Variants in NRXN3 observed in about 807,000 individuals in gnomAD.
The protein encoded by NRXN3 is neurexin III.
A neutral mutation model predicts 137.6 loss-of-function variants in NRXN3; 32 were observed. The ratio of observed to expected loss-of-function variants is 0.23; its 90% confidence interval spans 0.18 to 0.31. NRXN3 has a LOEUF of 0.31. Among genes scored for constraint, NRXN3 ranks in the 10% least tolerant of loss-of-function variants. The pLI is 1.00. For missense variants in NRXN3, 1,574 were observed against 2,062.5 expected, an observed-to-expected ratio of 0.76 and a Z score of 4.59; for synonymous variants, 798 against 784.5, an observed-to-expected ratio of 1.02 and a Z score of -0.29.
intron 15 of NRXN3, among the ~76,000 whole-genome samples, chr14:79,005,593 A>G (rs2099550724): frequency 6.6e-6 from 1 of 152,182 alleles, no homozygotes; most frequent in Non-Finnish European, 1.5e-5. Context: ...ATAACATTCC[A>G]TTTAAGTCTG....
At chr14:78,804,495 G>A (rs1486996983) in intron 9 of NRXN3, among the ~76,000 whole-genome samples, 4 of 152,112 alleles carry the variant, frequency 2.6e-5, no homozygotes, top group Non-Finnish European at 5.9e-5. Context: ...CCATCACTCA[G>A]CATCCCCTTG....
At chr14:78,368,141 A>T (rs1567382657) in intron 4 of NRXN3, among the ~76,000 whole-genome samples, 1 of 152,242 alleles carries the variant, frequency 6.6e-6, no homozygotes, top group Non-Finnish European at 1.5e-5. Context: ...TTTTTACTAA[A>T]TTAGGCTGGC....
intron 8 of NRXN3, among the ~76,000 whole-genome samples, chr14:78,734,142 A>G (rs906377801): frequency 6.6e-6 from 1 of 151,798 alleles, no homozygotes; most frequent in African/African-American, 2.4e-5. Flanking sequence ...CTACAGTTGA[A>G]TCAGGGATTT....
intron 15 of NRXN3, among the ~76,000 whole-genome samples, chr14:79,170,876 A>C (rs2061710092): frequency 6.6e-6 from 1 of 152,096 alleles, no homozygotes; most frequent in Admixed American, 6.6e-5. Flanking sequence ...TTAGGATACT[A>C]ATCAGTGGTT....
At chr14:79,662,338 C>A (rs939979457) in intron 16 of NRXN3, among the ~76,000 whole-genome samples, 2 of 152,160 alleles carry the variant, frequency 1.3e-5, no homozygotes, top group African/African-American at 4.8e-5. Context: ...AATGCTATGT[C>A]TTTCCAAGAG....
intron 4 of NRXN3, among the ~76,000 whole-genome samples, chr14:78,376,060 A>G (rs1047554881): frequency 5.9e-5 from 9 of 151,544 alleles, no homozygotes; most frequent in Admixed American, 4.6e-4. Context: ...AGATAATATC[A>G]TCTCTGCTAG....
chr14:79,223,882 T>G (rs896907796), intron 15 of NRXN3, among the ~76,000 whole-genome samples: 4 of 152,174 alleles, frequency 2.6e-5, no homozygotes, highest in African/African-American at 7.2e-5. Flanking sequence ...AGCGACTATA[T>G]TTTAATAACG....
chr14:78,692,563 A>T lies in NRXN3; in HGVS notation c.1222-16654A>T, dbSNP rs144240521. Among the ~76,000 whole-genome samples, 4 of 152,306 alleles carry T rather than the reference A, an allele frequency of 2.6e-5. No homozygotes were observed. In the East Asian group the frequency reaches 7.7e-4, roughly 29 times the overall value. On this transcript the variant is annotated intron_variant, in intron 6 of 20. Transcript: ENST00000335750. ...AGGTTATTTCTAGACTGTTTTCTCC[A>T]GACTAATTAGAGTAGTACAAGGGCC... is the stretch of plus-strand genomic sequence containing the variant.
chr14:79,656,255 A>G (rs2098505044), intron 16 of NRXN3, among the ~76,000 whole-genome samples: 1 of 152,094 alleles, frequency 6.6e-6, no homozygotes, highest in Non-Finnish European at 1.5e-5. Flanking sequence ...TTCAGTCTGT[A>G]CTGGATTTTA....
intron 16 of NRXN3, among the ~76,000 whole-genome samples, chr14:79,553,254 G>C (rs544531308): frequency 5.3e-5 from 8 of 152,130 alleles, no homozygotes; most frequent in African/African-American, 1.9e-4. Flanking sequence ...TACATGAGCT[G>C]ATCAGTACTG....
intron 16 of NRXN3, among the ~76,000 whole-genome samples, chr14:79,558,174 C>G (rs988766838): frequency 6.6e-6 from 1 of 152,088 alleles, no homozygotes; most frequent in Non-Finnish European, 1.5e-5. Context: ...AAGCCTTGAA[C>G]CCCTGAAACT....
At chr14:79,661,215 G>A (rs942328521) in intron 16 of NRXN3, among the ~76,000 whole-genome samples, 1 of 152,124 alleles carries the variant, frequency 6.6e-6, no homozygotes, top group Non-Finnish European at 1.5e-5. Flanking sequence ...GAAATCATGA[G>A]TGTGTTTAGT....
intron 15 of NRXN3, among the ~76,000 whole-genome samples, chr14:79,087,414 G>A (rs2048336560): frequency 6.6e-6 from 1 of 152,128 alleles, no homozygotes; most frequent in African/African-American, 2.4e-5. Flanking sequence ...ACAAGGAAGA[G>A]CTGTCACCTT....
At chr14:79,207,910 A>C (rs1305077143) in intron 15 of NRXN3, among the ~76,000 whole-genome samples, 1 of 152,054 alleles carries the variant, frequency 6.6e-6, no homozygotes, top group South Asian at 2.1e-4. Flanking sequence ...GCACTGTTCT[A>C]TGTGTTTTAA....
intron 15 of NRXN3, among the ~76,000 whole-genome samples, chr14:79,329,434 A>C (rs1207114103): frequency 2.6e-5 from 4 of 152,212 alleles, no homozygotes; most frequent in Non-Finnish European, 5.9e-5. Flanking sequence ...AGCAGGTGGT[A>C]CAGGGTCCTG....
At chr14:78,675,575 TGAGAA>T (rs894475306) in intron 6 of NRXN3, among the ~76,000 whole-genome samples, 2 of 152,142 alleles carry the variant, frequency 1.3e-5, no homozygotes, top group Non-Finnish European at 2.9e-5. Context: ...AAGGATACAG[TGAGAA>T]GAGAAGGTTT....
At chr14:78,380,786 T>G (rs947503202) in intron 4 of NRXN3, among the ~76,000 whole-genome samples, 1 of 69,790 alleles carries the variant, frequency 1.4e-5, no homozygotes, top group African/African-American at 6.0e-5. Context: ...TCAAATCTTA[T>G]CAAGTTTTTT....
chr14:78,317,506 C>T (rs1218809654), intron 4 of NRXN3, among the ~76,000 whole-genome samples: 2 of 152,326 alleles, frequency 1.3e-5, no homozygotes, highest in East Asian at 3.9e-4. Flanking sequence ...CATCCTAAAA[C>T]TATCATCTCC....
At chr14:78,993,732 G>A (rs17108505) in intron 15 of NRXN3, among the ~76,000 whole-genome samples, 9,013 of 151,756 alleles carry the variant, frequency 0.059, 636 homozygotes, top group African/African-American at 0.17. Flanking sequence ...ACAGTGTATA[G>A]CGAGGAGTCA....
Sources: allele counts gnomAD v4.1 joint callset (sites outside exome capture counted in the v4.1 genomes callset), GRCh38; gene constraint gnomAD v4.1.1; transcripts MANE v1.5; gene names NCBI Gene and HGNC (gene_info 2026-07-23, HGNC 2026-07-21).